Variants in DNAH3 observed in about 807,000 individuals in gnomAD.
DNAH3 encodes the protein axonemal beta dynein heavy chain 3.
Under a neutral mutation model 432.5 loss-of-function variants are expected in DNAH3, and 332 were observed. The ratio of observed to expected loss-of-function variants is 0.77; its 90% CI spans 0.70 to 0.84. DNAH3 has a LOEUF of 0.84. DNAH3 is among the 40% of genes least tolerant of loss of function. The pLI, the probability that DNAH3 is intolerant of heterozygous loss-of-function variation, is 0.00. For synonymous variants in DNAH3, 1,956 were observed against 1,900.2 expected (o/e 1.03, Z -0.76); for missense variants, 4,861 against 5,114.0 (o/e 0.95, Z 1.51).
At chr16:21,039,363 T>A (rs1351308488) in intron 33 of DNAH3, among the ~76,000 whole-genome samples, 1 of 151,810 alleles carries the variant, frequency 6.6e-6, no homozygotes, top group African/African-American at 2.4e-5. Context: ...GGATTACAGG[T>A]GCACGCCACC....
chr16:21,053,939 G>A (rs2090044675), intron 28 of DNAH3, among the ~76,000 whole-genome samples: 1 of 151,992 alleles, frequency 6.6e-6, no homozygotes, highest in African/African-American at 2.4e-5. Flanking sequence ...CAGTCCCTTA[G>A]GCTTGGAAGC....
Position 21,058,206 on chromosome 16 carries a change from C to A in DNAH3, c.3814-10G>T. 6.6e-7 allele frequency: 1 copy of A among 1,522,822 alleles called. No individual in the cohort carries two copies. The highest frequency in any genetic ancestry group is 9.1e-7 in the Non-Finnish European group (1 of 1,096,926). 94.3% of individuals were successfully genotyped at this position (1,522,822 alleles called of 1,614,324 possible). ...AGTGATTTCGAGGGACCTGGAAAAG[C>A]ACAGTGGGCATGTTATAGGATCAGT... On this transcript the variant is annotated splice_polypyrimidine_tract_variant and intron_variant, in intron 26 of 61. Transcript: ENST00000261383.
chr16:21,053,462 T>C (rs2090026779), intron 28 of DNAH3, among the ~76,000 whole-genome samples: 1 of 152,184 alleles, frequency 6.6e-6, no homozygotes, highest in Non-Finnish European at 1.5e-5. Flanking sequence ...CATGTGTGTG[T>C]GTATGTGCCA....
At chr16:21,158,923 G>T (rs112728750) in intron 1 of DNAH3, among the ~76,000 whole-genome samples, 17 of 151,960 alleles carry the variant, frequency 1.1e-4, no homozygotes, top group Non-Finnish European at 2.9e-5. Flanking sequence ...CTTATGAGTC[G>T]CCGGGACGGG....
intron 50 of DNAH3, 138 bp from the exon 51 acceptor site, chr16:20,975,553 T>C (rs961395706): frequency 2.4e-6 from 2 of 832,930 alleles, no homozygotes; most frequent in Non-Finnish European, 3.7e-6. Flanking sequence ...TGGGTACAGA[T>C]TCGTTTCCTA....
At chr16:21,117,530 G>A (rs926506875) in intron 11 of DNAH3, among the ~76,000 whole-genome samples, 191 bp from the exon 12 acceptor site, 2 of 152,202 alleles carry the variant, frequency 1.3e-5, no homozygotes, top group Admixed American at 1.3e-4. Context: ...CTTCTTGCCT[G>A]GATTACTCAT....
At position 20,948,480 on chromosome 16, in the gene DNAH3, T is replaced by A; in HGVS notation, c.11343+3A>T. 1 of 1,612,972 alleles carries A rather than the reference T, an allele frequency of 6.2e-7. No homozygotes were observed. The highest frequency in any genetic ancestry group is 1.1e-5 in the South Asian group (1 of 90,794). On this transcript the variant is annotated splice_donor_region_variant and intron_variant, in intron 57 of 61. Coordinates refer to ENST00000261383, the Ensembl canonical transcript of DNAH3. ...GAGGTAGGCCTCCCTGCCCACCCCT[T>A]ACCTGGTAGGAGCCATGAGGAGGGA...
exon 46 of DNAH3, chr16:20,987,696 C>T (rs1272918713): frequency 1.9e-6 from 3 of 1,613,264 alleles, no homozygotes; most frequent in Non-Finnish European, 1.7e-6. Context: ...GGCTGACCTG[C>T]AGGTGTGTGT....
At chr16:20,936,581 C>T in intron 60 of DNAH3, 68 bp downstream of exon 60, 5 of 1,419,880 alleles carry the variant, frequency 3.5e-6, no homozygotes, top group Non-Finnish European at 4.8e-6. Flanking sequence ...TCTAGTCTGC[C>T]ATTTCAGAAT....
At chr16:21,042,976 C>T (rs910811521) in intron 31 of DNAH3, among the ~76,000 whole-genome samples, 3 of 152,114 alleles carry the variant, frequency 2.0e-5, no homozygotes, top group African/African-American at 7.2e-5. Flanking sequence ...CCAGTTTCAT[C>T]CATGTACCTA....
At chr16:21,109,071 C>T (rs1160650530) in intron 14 of DNAH3, among the ~76,000 whole-genome samples, 2 of 139,870 alleles carry the variant, frequency 1.4e-5, no homozygotes, top group African/African-American at 5.4e-5. Flanking sequence ...TGCAGTGAGC[C>T]AAGATCATGC....
chr16:20,948,522 AG>A lies in DNAH3; in HGVS notation c.11303del (p.Pro3768LeufsTer56). The A allele has an allele frequency of 6.2e-7, 1 of 1,614,036 alleles. No homozygotes were observed. The highest frequency in any genetic ancestry group is 8.5e-7 in the Non-Finnish European group (1 of 1,179,992). On this transcript the variant is annotated frameshift_variant, in exon 57 of 62. Coordinates refer to ENST00000261383, the Ensembl canonical transcript of DNAH3. LOFTEE classifies it high-confidence loss of function. ...GAGGAGGGATGTAGTAAGTGTCTCCAGGAGCGAGGGAGTAATAGTCCTCCTC... is the reference window on the plus strand; with the variant it reads ...GAGGAGGGATGTAGTAAGTGTCTCCAGAGCGAGGGAGTAATAGTCCTCCTC...
intron 57 of DNAH3, among the ~76,000 whole-genome samples, chr16:20,947,375 C>T (rs1036299504): frequency 6.6e-6 from 1 of 152,114 alleles, no homozygotes; most frequent in African/African-American, 2.4e-5. Context: ...AACCAATAAA[C>T]CTAAGTATTT....
intron 51 of DNAH3, among the ~76,000 whole-genome samples, chr16:20,973,514 A>C (rs561565056): frequency 8.7e-4 from 132 of 152,280 alleles, no homozygotes; most frequent in Non-Finnish European, 1.5e-3. Flanking sequence ...TGGCCTCCTG[A>C]AGTGCTGGGA....
intron 40 of DNAH3, 60 bp from the exon 41 acceptor site, chr16:21,019,929 G>A (rs2088072924): frequency 6.3e-7 from 1 of 1,582,634 alleles, no homozygotes; most frequent in Non-Finnish European, 8.6e-7. Context: ...TGTAAGGGCT[G>A]TGAACTGGTT....
intron 51 of DNAH3, among the ~76,000 whole-genome samples, chr16:20,974,607 G>T (rs2085498273): frequency 1.1e-5 from 1 of 92,576 alleles, no homozygotes; most frequent in African/African-American, 4.4e-5. Flanking sequence ...TTTTTGTAGA[G>T]ACAGAATCTT....
At chr16:21,090,980 T>C (rs1179680567) in intron 18 of DNAH3, among the ~76,000 whole-genome samples, 2 of 151,968 alleles carry the variant, frequency 1.3e-5, no homozygotes, top group African/African-American at 2.4e-5. Flanking sequence ...GGCAAAATCC[T>C]GTCTCTACCA....
chr16:21,105,152 A>G (rs2091918128), intron 15 of DNAH3, among the ~76,000 whole-genome samples: 1 of 152,168 alleles, frequency 6.6e-6, no homozygotes, highest in South Asian at 2.1e-4. Context: ...CGGTGTATCC[A>G]GGGGTCGAGG....
chr16:20,998,816 T>A (rs1234222008), intron 43 of DNAH3, among the ~76,000 whole-genome samples: 2 of 151,866 alleles, frequency 1.3e-5, no homozygotes, highest in African/African-American at 4.8e-5. Context: ...AATGCCCAGT[T>A]TGTGTGGGGT....
Sources: gnomAD v4.1 joint callset for allele counts (sites outside exome capture counted in the v4.1 genomes callset) on GRCh38, gnomAD v4.1.1 for gene constraint, MANE v1.5 for transcripts, NCBI Gene and HGNC (gene_info 2026-07-23, HGNC 2026-07-21) for gene names.